The following ADGRA3 variants were observed in gnomAD, a reference collection of about 807,000 sequenced individuals.
ADGRA3 encodes adhesion G protein-coupled receptor A3.
A neutral mutation model predicts 119.8 loss-of-function variants in ADGRA3; 56 were observed. That is an observed-to-expected ratio of 0.47 (90% CI 0.38 to 0.58). ADGRA3 has a LOEUF of 0.58. Ranked by LOEUF, ADGRA3 falls within the 20% of genes least tolerant of loss-of-function variation. ADGRA3 has a pLI of 0.00. For synonymous variants in ADGRA3, 607 were observed against 623.8 expected (o/e 0.97, Z 0.40); for missense variants, 1,516 against 1,649.0 (o/e 0.92, Z 1.40).
At position 22,392,608 on chromosome 4, in the gene ADGRA3, G is replaced by A; in HGVS notation, c.2564C>T (p.Thr855Ile). Residue 855 changes from threonine (T) to isoleucine (I), a missense_variant, in exon 17 of 19, where the codon ACT (threonine) becomes ATT (isoleucine). Thr to Ile is a moderately conservative substitution (Grantham distance 89). Transcript: ENST00000334304. ...VTARNIYKQVTKKAKRCQDPD... is the reference protein window; with the variant it reads ...VTARNIYKQVIKKAKRCQDPD... ...ATCCTGGCATCTTTTAGCTTTTTTA[G>A]TGACTTGTTTGTAGATATTTCGAGC... 1 of 1,613,970 alleles carries A rather than the reference G, an allele frequency of 6.2e-7. No individual in the cohort carries two copies. The highest frequency in any genetic ancestry group is 8.5e-7 in the Non-Finnish European group (1 of 1,179,908).
chr4:22,474,951 A>G (rs1303968812), intron 1 of ADGRA3, among the ~76,000 whole-genome samples: 1 of 152,212 alleles, frequency 6.6e-6, no homozygotes, highest in African/African-American at 2.4e-5. Context: ...CCTCTGGATC[A>G]GAAGATTTTA....
intron 1 of ADGRA3, among the ~76,000 whole-genome samples, chr4:22,501,581 A>G (rs901856982): frequency 6.6e-6 from 1 of 152,158 alleles, no homozygotes; most frequent in Non-Finnish European, 1.5e-5. Flanking sequence ...CCTGTTATTC[A>G]TTGACTGCAG....
chr4:22,495,921 A>C (rs1004872551), intron 1 of ADGRA3, among the ~76,000 whole-genome samples: 1 of 152,174 alleles, frequency 6.6e-6, no homozygotes, highest in Non-Finnish European at 1.5e-5. Context: ...AAAAAAAAAA[A>C]GTATCAGAGT....
chr4:22,463,381 C>G (rs1035149781), intron 2 of ADGRA3, among the ~76,000 whole-genome samples: 1 of 152,186 alleles, frequency 6.6e-6, no homozygotes, highest in African/African-American at 2.4e-5. Context: ...CTGGCGCCAC[C>G]TGTCAGCACA....
chr4:22,411,712 G>C (rs570427980), intron 14 of ADGRA3, among the ~76,000 whole-genome samples: 4 of 152,194 alleles, frequency 2.6e-5, no homozygotes, highest in Non-Finnish European at 5.9e-5. Flanking sequence ...AAGAGAATCA[G>C]AATCATAAAC....
intron 3 of ADGRA3, 59 bp from the exon 4 acceptor site, chr4:22,454,996 T>G (rs531546955): frequency 8.4e-6 from 10 of 1,190,630 alleles, no homozygotes; most frequent in African/African-American, 3.0e-5. Context: ...GAAGGTCTCA[T>G]GCATTCAGTA....
At chr4:22,466,979 T>G (rs1717681126) in intron 2 of ADGRA3, among the ~76,000 whole-genome samples, 1 of 152,224 alleles carries the variant, frequency 6.6e-6, no homozygotes, top group Non-Finnish European at 1.5e-5. Context: ...TAAGTTATGG[T>G]TGGCTACAAA....
intron 1 of ADGRA3, among the ~76,000 whole-genome samples, chr4:22,499,659 G>T (rs1428499051): frequency 1.3e-5 from 2 of 152,126 alleles, no homozygotes; most frequent in Non-Finnish European, 2.9e-5. Flanking sequence ...TTGAGATAGG[G>T]TCATTTATTA....
chr4:22,502,370 A>T (rs1160272236), intron 1 of ADGRA3, among the ~76,000 whole-genome samples: 1 of 152,232 alleles, frequency 6.6e-6, no homozygotes, highest in Non-Finnish European at 1.5e-5. Flanking sequence ...GGCGGTATAT[A>T]GGCCACATAT....
In ADGRA3 at chr4:22,387,767, G is replaced by A; in HGVS notation, c.3904C>T (p.Leu1302Phe). ...ACATTGCCAGTGCTATCGGTACCGA[G>A]CAAGGGTCCCTCCTGCCCATTGCTT... ...IKSNGQEGPL[L>F]GTDSTGNVRT... Residue 1302 changes from leucine to phenylalanine, a missense_variant, in exon 19 of 19, where the codon CTC (leucine) becomes TTC (phenylalanine). Physicochemically the swap from Leu to Phe is conservative, Grantham distance 22. Coordinates refer to ENST00000334304, the MANE Select transcript of ADGRA3 (RefSeq NM_145290.4). 6.2e-7 allele frequency: 1 copy of A among 1,614,120 alleles called. No homozygotes were observed. Among genetic ancestry groups the A allele is most frequent in the Non-Finnish European group, 8.5e-7 (1 of 1,179,994 alleles).
intron 6 of ADGRA3, among the ~76,000 whole-genome samples, chr4:22,443,312 A>T (rs556309325): frequency 2.0e-5 from 3 of 152,280 alleles, no homozygotes; most frequent in Non-Finnish European, 4.4e-5. Flanking sequence ...AAGAAAACAG[A>T]AAAAAACAGT....
intron 1 of ADGRA3, among the ~76,000 whole-genome samples, chr4:22,513,961 A>C (rs1719550309): frequency 6.6e-6 from 1 of 151,828 alleles, no homozygotes; most frequent in African/African-American, 2.4e-5. Context: ...TAATATGCTG[A>C]AAATCAATTT....
chr4:22,464,621 C>A (rs913532653), intron 2 of ADGRA3, among the ~76,000 whole-genome samples: 6 of 152,220 alleles, frequency 3.9e-5, no homozygotes, highest in Non-Finnish European at 8.8e-5. Flanking sequence ...AGCGCTCACG[C>A]CTGCAGTCCC....
At chr4:22,474,202 G>A (rs1286277520) in intron 1 of ADGRA3, among the ~76,000 whole-genome samples, 3 of 152,036 alleles carry the variant, frequency 2.0e-5, no homozygotes, top group Non-Finnish European at 4.4e-5. Context: ...TTTTAAAATG[G>A]AAACTTAGCA....
At chr4:22,391,481 C>T (rs1386014883) in intron 17 of ADGRA3, among the ~76,000 whole-genome samples, 2 of 152,188 alleles carry the variant, frequency 1.3e-5, no homozygotes, top group Non-Finnish European at 2.9e-5. Context: ...CCTAGAGAAA[C>T]TGCCTCAAGC....
chr4:22,500,688 T>C (rs969945067), intron 1 of ADGRA3, among the ~76,000 whole-genome samples: 14 of 152,164 alleles, frequency 9.2e-5, no homozygotes, highest in Admixed American at 9.2e-4. Context: ...TTAACATTAC[T>C]TGTGAATGTA....
intron 1 of ADGRA3, among the ~76,000 whole-genome samples, chr4:22,508,486 G>A (rs1002734699): frequency 2.6e-5 from 4 of 152,160 alleles, no homozygotes; most frequent in Admixed American, 2.0e-4. Context: ...TGCCTCAACC[G>A]ATGTCCATGG....
intron 14 of ADGRA3, among the ~76,000 whole-genome samples, chr4:22,411,878 G>C (rs1316748791): frequency 6.6e-6 from 1 of 151,772 alleles, no homozygotes. Flanking sequence ...CCTTTACTCT[G>C]ATAAATAATC....
intron 4 of ADGRA3, 46 bp from the exon 5 acceptor site, chr4:22,447,557 T>A (rs1232371208): frequency 1.8e-6 from 2 of 1,112,976 alleles, no homozygotes; most frequent in African/African-American, 3.2e-5. Flanking sequence ...CAATTATCTA[T>A]CATTTTATCC....
Sources: allele counts gnomAD v4.1 joint callset (sites outside exome capture counted in the v4.1 genomes callset), GRCh38; gene constraint gnomAD v4.1.1; transcripts MANE v1.5; gene names NCBI Gene and HGNC (gene_info 2026-07-23, HGNC 2026-07-21).